PDE8B: variants seen among roughly 807,000 people sequenced by gnomAD.
PDE8B encodes phosphodiesterase 8B.
PDE8B carries 26 observed loss-of-function variants against 101.3 expected under a neutral mutation model. The ratio of observed to expected loss-of-function variants is 0.26; its 90% CI spans 0.19 to 0.36. The LOEUF (loss-of-function observed/expected upper bound fraction) is 0.36, where lower values mean the gene tolerates loss of function less well. Ranked by LOEUF, PDE8B falls within the 10% of genes least tolerant of loss-of-function variation. The pLI is 1.00. For synonymous variants in PDE8B, 424 were observed against 429.3 expected (o/e 0.99, Z 0.15); for missense variants, 810 against 1,163.1 (o/e 0.70, Z 4.42).
At chr5:77,220,363 G>A (rs1475644414) in intron 1 of PDE8B, among the ~76,000 whole-genome samples, 1 of 152,204 alleles carries the variant, frequency 6.6e-6, no homozygotes, top group Non-Finnish European at 1.5e-5. Context: ...GTGGTAGAGG[G>A]GAGTTTTGCA....
chr5:77,421,032 G>C (rs1581617577), intron 19 of PDE8B, among the ~76,000 whole-genome samples: 1 of 152,190 alleles, frequency 6.6e-6, no homozygotes, highest in East Asian at 1.9e-4. Context: ...CTTTAAAAGT[G>C]GAGAATAACA....
intron 1 of PDE8B, among the ~76,000 whole-genome samples, chr5:77,260,308 C>G (rs1760265685): frequency 6.6e-6 from 1 of 152,000 alleles, no homozygotes; most frequent in South Asian, 2.1e-4. Context: ...AAGACTGCAC[C>G]ATTAAACATA....
the PDE8B span, among the ~76,000 whole-genome samples, chr5:77,157,744 C>T: frequency 6.6e-6 from 1 of 152,194 alleles, no homozygotes; most frequent in East Asian, 1.9e-4. Context: ...AACCTCAGTT[C>T]CCCACATGTC....
the PDE8B span, among the ~76,000 whole-genome samples, chr5:77,148,868 G>A: frequency 0.52 from 78,077 of 151,588 alleles, 22,061 homozygotes; most frequent in East Asian, 0.88. Flanking sequence ...AAGTGCAAAA[G>A]TTTGATTTTG....
chr5:77,136,891 T>G, the PDE8B span, among the ~76,000 whole-genome samples: 5 of 152,222 alleles, frequency 3.3e-5, no homozygotes, highest in South Asian at 6.2e-4. Context: ...TCACTTTTTT[T>G]GGGCTATGGG....
chr5:77,323,070 T>G (rs1775388798), intron 2 of PDE8B, among the ~76,000 whole-genome samples: 1 of 152,252 alleles, frequency 6.6e-6, no homozygotes, highest in Admixed American at 6.5e-5. Context: ...CTTTTTTGAC[T>G]TCTAGGTTTG....
At chr5:77,117,699 G>A in the PDE8B span, among the ~76,000 whole-genome samples, 2 of 152,212 alleles carry the variant, frequency 1.3e-5, no homozygotes, top group East Asian at 3.8e-4. Context: ...GCAGCCAAAA[G>A]GGGTGGACAG....
Position 77,407,466 on chromosome 5 carries a change from CGGCTGCTGCCTGCACTCTGCAGTCAGG to C in PDE8B, c.1365+13_1365+39del, listed in dbSNP as rs1332070930. The C allele has an allele frequency of 3.1e-6, 5 of 1,599,734 alleles. No individual in the cohort carries two copies. The highest frequency in any genetic ancestry group is 4.3e-6 in the Non-Finnish European group (5 of 1,167,514). On this transcript the variant is annotated intron_variant, in intron 13 of 21. Coordinates refer to ENST00000264917, the MANE Select transcript of PDE8B (RefSeq NM_003719.5). The stretch of plus-strand genomic sequence containing the variant: ...AGGCTCCCATCACAAAGGTGAGTGG[CGGCTGCTGCCTGCACTCTGCAGTCAGG>C]GGCCCTCACACAGGGCCGTGCTCTG...
chr5:77,424,130 C>G (rs1446085110), intron 20 of PDE8B, among the ~76,000 whole-genome samples: 1 of 152,096 alleles, frequency 6.6e-6, no homozygotes, highest in Admixed American at 6.6e-5. Flanking sequence ...ACTCCTTGAA[C>G]ACCAGTGGAT....
At chr5:77,290,440 C>G (rs932315810) in intron 1 of PDE8B, 3 of 1,450,936 alleles carry the variant, frequency 2.1e-6, no homozygotes, top group South Asian at 2.3e-5. Flanking sequence ...GCCAGTGTGG[C>G]AGACTATGAA....
intron 14 of PDE8B, among the ~76,000 whole-genome samples, chr5:77,409,840 A>G (rs1366963289): frequency 6.6e-6 from 1 of 152,228 alleles, no homozygotes; most frequent in African/African-American, 2.4e-5. Flanking sequence ...CCTGCAGCCA[A>G]ATGCTGAATG....
chr5:77,131,528 G>A, the PDE8B span, among the ~76,000 whole-genome samples: 5 of 152,174 alleles, frequency 3.3e-5, no homozygotes, highest in African/African-American at 1.2e-4. Flanking sequence ...GTCCAGATGT[G>A]CAAACTTGGG....
chr5:77,121,129 G>A, the PDE8B span, among the ~76,000 whole-genome samples: 1 of 152,228 alleles, frequency 6.6e-6, no homozygotes, highest in South Asian at 2.1e-4. Flanking sequence ...TGTGGGTCAG[G>A]AATTCAGGAG....
chr5:77,125,511 A>G, the PDE8B span, among the ~76,000 whole-genome samples: 1 of 152,248 alleles, frequency 6.6e-6, no homozygotes, highest in Non-Finnish European at 1.5e-5. Context: ...ATACTTGTAC[A>G]CCAACGTCCA....
chr5:77,384,118 A>G (rs1561624766), intron 10 of PDE8B, among the ~76,000 whole-genome samples: 1 of 152,188 alleles, frequency 6.6e-6, no homozygotes, highest in Non-Finnish European at 1.5e-5. Flanking sequence ...ATCCATGAGT[A>G]TGGAATGTTT....
chr5:77,302,137 T>G (rs943382447), intron 1 of PDE8B, among the ~76,000 whole-genome samples: 1 of 152,244 alleles, frequency 6.6e-6, no homozygotes, highest in African/African-American at 2.4e-5. Flanking sequence ...GCTTCTCCAT[T>G]ATACTGTGCC....
At chr5:77,173,453 T>G in the PDE8B span, among the ~76,000 whole-genome samples, 1 of 152,142 alleles carries the variant, frequency 6.6e-6, no homozygotes, top group Non-Finnish European at 1.5e-5. Context: ...GTTACAAAAT[T>G]GCTTCATTCT....
chr5:77,124,253 CAG>C, the PDE8B span, among the ~76,000 whole-genome samples: 1 of 152,092 alleles, frequency 6.6e-6, no homozygotes, highest in Non-Finnish European at 1.5e-5. Flanking sequence ...CCAGAAACAA[CAG>C]AGACTATGGA....
At chr5:77,276,872 T>G (rs556230082) in intron 1 of PDE8B, among the ~76,000 whole-genome samples, 8 of 152,212 alleles carry the variant, frequency 5.3e-5, no homozygotes, top group Non-Finnish European at 1.2e-4. Context: ...AGTGAATTTT[T>G]AAAATTTACA....
Sources: allele counts gnomAD v4.1 joint callset (sites outside exome capture counted in the v4.1 genomes callset), GRCh38; gene constraint gnomAD v4.1.1; transcripts MANE v1.5; gene names NCBI Gene and HGNC (gene_info 2026-07-23, HGNC 2026-07-21).